TSGA10: variants seen among roughly 807,000 people sequenced by gnomAD.
TSGA10 encodes testis specific 10.
A neutral mutation model predicts 96.6 loss-of-function variants in TSGA10; 43 were observed. The ratio of observed to expected loss-of-function variants is 0.44; its 90% CI spans 0.35 to 0.57. TSGA10 has a LOEUF of 0.57. Among genes scored for constraint, TSGA10 ranks in the 20% least tolerant of loss-of-function variants. The pLI, the probability that TSGA10 is intolerant of heterozygous loss-of-function variation, is 0.01. For synonymous variants in TSGA10, 229 were observed against 269.9 expected (o/e 0.85, Z 1.48); for missense variants, 703 against 834.4 (o/e 0.84, Z 1.94).
intron 1 of TSGA10, among the ~76,000 whole-genome samples, chr2:99,136,392 G>C (rs2093327283): frequency 6.6e-6 from 1 of 152,130 alleles, no homozygotes; most frequent in East Asian, 1.9e-4. Flanking sequence ...AACCCTAAAT[G>C]AATCTAGGAA....
chr2:99,136,798 C>CAAAAAAAAAAAAAAAAAAAAAAAAAAAAA (rs977980769), intron 1 of TSGA10, among the ~76,000 whole-genome samples: 1 of 3,042 alleles, frequency 3.3e-4, no homozygotes, highest in Non-Finnish European at 1.1e-3. Flanking sequence ...GACTCCATCT[C>CAAAAAAAAAAAAAAAAAAAAAAAAAAAAA]AAAAAAAAAA....
chr2:99,098,897 T>A (rs986452853), intron 10 of TSGA10, among the ~76,000 whole-genome samples: 13 of 152,234 alleles, frequency 8.5e-5, no homozygotes, highest in African/African-American at 3.1e-4. Flanking sequence ...ACTTTATTGG[T>A]AAGTTCTACA....
At position 99,035,316 on chromosome 2, in the gene TSGA10, A is replaced by C; in HGVS notation, c.1528T>G (p.Ser510Ala). The C allele has an allele frequency of 6.2e-7, 1 of 1,613,248 alleles. No homozygotes were observed. The highest frequency in any genetic ancestry group is 8.5e-7 in the Non-Finnish European group (1 of 1,179,458). Residue 510 changes from serine to alanine, a missense_variant, in exon 17 of 21, where the codon TCT (serine) becomes GCT (alanine). Ser to Ala is a moderately conservative substitution (Grantham distance 99). Around this residue, in one of 3 missense-constraint regions of TSGA10, gnomAD observed 585 missense variants for 656.8 expected, o/e 0.89. Transcript: ENST00000393483. ...AGTTTAATACAGAGTTCCCTAGTAG[A>C]AGACAAATCTGCAAGAGCGGACACT... ...EKVSALADLS[S>A]TRELCIKLDS...
chr2:99,052,823 C>T (rs943757907), intron 16 of TSGA10, among the ~76,000 whole-genome samples: 1 of 151,984 alleles, frequency 6.6e-6, no homozygotes, highest in Admixed American at 6.6e-5. Flanking sequence ...AACCCCAGCA[C>T]TTTGGAAGGC....
At chr2:99,066,312 A>G (rs1055388732) in intron 15 of TSGA10, among the ~76,000 whole-genome samples, 4 of 152,146 alleles carry the variant, frequency 2.6e-5, no homozygotes, top group Non-Finnish European at 4.4e-5. Context: ...CAGGAACCTG[A>G]TATGTGTTTT....
chr2:99,065,270 G>A lies in TSGA10; in HGVS notation c.1219-146C>T, dbSNP rs1265955475. On this transcript the variant is annotated intron_variant, in intron 15 of 20. Coordinates refer to ENST00000393483, the MANE Select transcript of TSGA10 (RefSeq NM_025244.4). The stretch of plus-strand genomic sequence containing the variant: ...GAAATATATCTATACTCTTAGTTTA[G>A]AAAACAGGTCATCCTGTAATTAACA... 7.0e-6 allele frequency: 6 copies of A among 855,928 alleles called. No individual in the cohort carries two copies. The East Asian group carries it at 1.4e-4, about 20-fold the overall frequency. 53.0% of individuals were successfully genotyped at this position (855,928 alleles called of 1,614,324 possible).
At chr2:99,087,431 G>A (rs1209889519) in intron 10 of TSGA10, among the ~76,000 whole-genome samples, 1 of 152,000 alleles carries the variant, frequency 6.6e-6, no homozygotes, top group African/African-American at 2.4e-5. Context: ...GTTTGAACCC[G>A]GGAGGCGGAG....
intron 16 of TSGA10, among the ~76,000 whole-genome samples, chr2:99,053,181 AACT>A (rs2083585522): frequency 6.6e-6 from 1 of 152,184 alleles, no homozygotes; most frequent in African/African-American, 2.4e-5. Flanking sequence ...GCATTTAAAG[AACT>A]ACCACCAATC....
chr2:99,127,976 T>G (rs559279451), intron 1 of TSGA10, among the ~76,000 whole-genome samples: 1 of 152,362 alleles, frequency 6.6e-6, no homozygotes, highest in African/African-American at 2.4e-5. Flanking sequence ...CATACTATTC[T>G]GCATCACGCT....
intron 20 of TSGA10, among the ~76,000 whole-genome samples, chr2:98,998,836 TG>T (rs2077651715): frequency 6.6e-6 from 1 of 152,190 alleles, no homozygotes; most frequent in African/African-American, 2.4e-5. Flanking sequence ...TAAGGATATG[TG>T]GGACTGTCTG....
chr2:99,058,156 C>G (rs2084217254), intron 16 of TSGA10, among the ~76,000 whole-genome samples: 1 of 152,094 alleles, frequency 6.6e-6, no homozygotes, highest in Non-Finnish European at 1.5e-5. Flanking sequence ...ATAAAGGGTA[C>G]AGTGATTCTT....
At chr2:99,102,414 C>G (rs1160255885) in intron 10 of TSGA10, 1 of 1,613,800 alleles carries the variant, frequency 6.2e-7, no homozygotes, top group African/African-American at 1.3e-5. Flanking sequence ...TACAGGAAAA[C>G]AAGGTGAAAT....
intron 16 of TSGA10, among the ~76,000 whole-genome samples, chr2:99,058,541 C>G (rs372394719): frequency 9.7e-4 from 147 of 152,112 alleles, no homozygotes; most frequent in African/African-American, 3.4e-3. Flanking sequence ...TAAATTAATA[C>G]TCCTTCTTTG....
chr2:99,131,285 C>G lies in TSGA10; in HGVS notation c.-620-4109G>C, dbSNP rs149493077. On this transcript the variant is annotated intron_variant, in intron 1 of 20. Transcript: ENST00000393483. ...GGAATGTTTTTCCATTTGTTTGTGT[C>G]CTCTCTTATTTCTTTGAGCAGTGGT... 1.1e-4 allele frequency among the ~76,000 whole-genome samples: 17 copies of G among 152,226 alleles called. 1 individual carries two copies. The East Asian group carries it at 3.3e-3, about 29-fold the overall frequency.
intron 1 of TSGA10, among the ~76,000 whole-genome samples, chr2:99,134,505 C>G (rs2093241703): frequency 6.6e-6 from 1 of 152,086 alleles, no homozygotes; most frequent in Admixed American, 6.6e-5. Context: ...TTCTTAGCTT[C>G]CTTGCATTGG....
intron 10 of TSGA10, among the ~76,000 whole-genome samples, chr2:99,101,569 A>G (rs1486889542): frequency 6.6e-6 from 1 of 152,118 alleles, no homozygotes; most frequent in Non-Finnish European, 1.5e-5. Context: ...CCCAGAGGAT[A>G]AAAAAGAAAA....
At chr2:99,063,356 T>C (rs2084906757) in intron 16 of TSGA10, among the ~76,000 whole-genome samples, 1 of 152,120 alleles carries the variant, frequency 6.6e-6, no homozygotes, top group Non-Finnish European at 1.5e-5. Context: ...ATAAACTATA[T>C]AGGAAAATAT....
intron 20 of TSGA10, among the ~76,000 whole-genome samples, chr2:99,017,146 A>G (rs746019306): frequency 1.2e-4 from 18 of 152,230 alleles, no homozygotes; most frequent in Non-Finnish European, 2.4e-4. Context: ...CATCTATCCA[A>G]CTACTGGGTA....
At chr2:99,086,063 T>A (rs2088321132) in intron 10 of TSGA10, among the ~76,000 whole-genome samples, 1 of 152,120 alleles carries the variant, frequency 6.6e-6, no homozygotes, top group South Asian at 2.1e-4. Flanking sequence ...AAACAATTGG[T>A]GCTAAAACAA....
Sources: allele counts gnomAD v4.1 joint callset (sites outside exome capture counted in the v4.1 genomes callset), GRCh38; gene constraint gnomAD v4.1.1; regional missense constraint gnomAD v4.1.1; transcripts MANE v1.5; gene names NCBI Gene and HGNC (gene_info 2026-07-23, HGNC 2026-07-21).